The following SLC2A9 variants were observed in gnomAD, a reference collection of about 807,000 sequenced individuals.
SLC2A9 encodes solute carrier family 2, facilitated glucose transporter member 9.
SLC2A9 carries 39 observed loss-of-function variants against 50.6 expected under a neutral mutation model. That is an observed-to-expected ratio of 0.77 (90% CI 0.60 to 1.01). The LOEUF is 1.01. Among genes scored for constraint, SLC2A9 ranks in the 50% least tolerant of loss-of-function variants. The pLI is 0.00. For synonymous variants in SLC2A9, 324 were observed against 276.9 expected, an observed-to-expected ratio of 1.17 and a Z score of -1.69; for missense variants, 686 against 677.6, an observed-to-expected ratio of 1.01 and a Z score of -0.14.
At chr4:10,014,417 G>A (rs900312046) in intron 2 of SLC2A9, among the ~76,000 whole-genome samples, 12 of 152,192 alleles carry the variant, frequency 7.9e-5, no homozygotes, top group African/African-American at 2.7e-4. Flanking sequence ...TTTCCACCTC[G>A]GAAGGGCCTC....
At chr4:9,792,464 C>T (rs1720069501) in intron 3 of SLC2A9, among the ~76,000 whole-genome samples, 1 of 151,780 alleles carries the variant, frequency 6.6e-6, no homozygotes, top group Admixed American at 6.6e-5. Context: ...GCTAGGATTA[C>T]AGGTAGGAGC....
At chr4:9,985,898 G>T in intron 3 of SLC2A9, 105 bp from the exon 4 acceptor site, 1 of 1,514,650 alleles carries the variant, frequency 6.6e-7, no homozygotes. Flanking sequence ...GGTGAGTAGA[G>T]CAAGACTCAG....
intron 1 of SLC2A9, 56 bp from the exon 2 acceptor site, chr4:10,019,129 G>A: frequency 7.0e-7 from 1 of 1,420,752 alleles, no homozygotes; most frequent in East Asian, 2.5e-5. Context: ...CCAGGGCCGA[G>A]GGAAGACCTG....
chr4:9,877,664 C>G (rs1406332887), intron 10 of SLC2A9, among the ~76,000 whole-genome samples: 1 of 152,190 alleles, frequency 6.6e-6, no homozygotes, highest in Non-Finnish European at 1.5e-5. Context: ...AAGGACTGAG[C>G]CCTTTCACTT....
chr4:9,964,870 G>T (rs1382969648), intron 5 of SLC2A9, among the ~76,000 whole-genome samples: 3 of 152,148 alleles, frequency 2.0e-5, no homozygotes, highest in African/African-American at 7.2e-5. Flanking sequence ...CTACCACAGA[G>T]AAATTATGGG....
chr4:9,809,628 C>T (rs983572554), intron 3 of SLC2A9, among the ~76,000 whole-genome samples: 11 of 152,150 alleles, frequency 7.2e-5, no homozygotes, highest in African/African-American at 2.4e-4. Context: ...TCCCAGCCTC[C>T]CTTGGGATAA....
intron 1 of SLC2A9, among the ~76,000 whole-genome samples, chr4:10,033,702 T>C (rs1422748031): frequency 6.6e-6 from 1 of 152,190 alleles, no homozygotes; most frequent in Non-Finnish European, 1.5e-5. Flanking sequence ...ACTCGCCTGC[T>C]TACCCACTCA....
intron 3 of SLC2A9, among the ~76,000 whole-genome samples, chr4:9,987,980 C>T (rs925936483): frequency 3.9e-5 from 6 of 152,222 alleles, no homozygotes; most frequent in Non-Finnish European, 8.8e-5. Context: ...TAAGAACTAG[C>T]GTTTCCCCCC....
At chr4:9,905,306 T>C (rs1385215780) in intron 8 of SLC2A9, among the ~76,000 whole-genome samples, 1 of 152,238 alleles carries the variant, frequency 6.6e-6, no homozygotes, top group Non-Finnish European at 1.5e-5. Flanking sequence ...ACCTCCTCCA[T>C]TGGACTGTGA....
At chr4:9,969,227 G>A (rs1681934085) in intron 5 of SLC2A9, among the ~76,000 whole-genome samples, 2 of 151,934 alleles carry the variant, frequency 1.3e-5, no homozygotes, top group Non-Finnish European at 2.9e-5. Flanking sequence ...TTATGGATAT[G>A]TTATTGGTAT....
intron 5 of SLC2A9, among the ~76,000 whole-genome samples, chr4:9,945,222 C>A (rs74561581): frequency 0.018 from 2,686 of 152,322 alleles, 70 homozygotes; most frequent in African/African-American, 0.06. Flanking sequence ...TGCCTCTACC[C>A]CCACTCACTG....
intron 5 of SLC2A9, among the ~76,000 whole-genome samples, chr4:9,943,259 A>G (rs1417338457): frequency 6.6e-6 from 1 of 152,242 alleles, no homozygotes; most frequent in Non-Finnish European, 1.5e-5. Flanking sequence ...AGGGGCACAC[A>G]GCCAGCAGCT....
At chr4:9,819,036 G>A (rs1398502885) in intron 3 of SLC2A9, among the ~76,000 whole-genome samples, 14 of 148,908 alleles carry the variant, frequency 9.4e-5, no homozygotes, top group African/African-American at 3.0e-4. Flanking sequence ...GCAGAATGGC[G>A]TGAACCTGGG....
chr4:9,771,825 C>T (rs58847608), intron 1 of SLC2A9, among the ~76,000 whole-genome samples: 17,888 of 152,124 alleles, frequency 0.12, 1,093 homozygotes, highest in East Asian at 0.15. Context: ...TGGGCACTCA[C>T]CCCCTTCAAG....
chr4:9,985,619 A>G (rs1196633050), intron 4 of SLC2A9, 50 bp downstream of exon 4: 2 of 1,612,024 alleles, frequency 1.2e-6, no homozygotes, highest in African/African-American at 2.7e-5. Flanking sequence ...ATTTTGGGAC[A>G]CCCCCAAGGA....
chr4:9,911,739 T>C (rs966393888), intron 7 of SLC2A9, among the ~76,000 whole-genome samples: 23 of 152,242 alleles, frequency 1.5e-4, no homozygotes, highest in Non-Finnish European at 5.9e-5. Flanking sequence ...TCAGGGTTCT[T>C]GTAAAAATTT....
intron 10 of SLC2A9, among the ~76,000 whole-genome samples, chr4:9,842,500 C>G (rs557911706): frequency 2.6e-5 from 4 of 152,152 alleles, no homozygotes; most frequent in Non-Finnish European, 5.9e-5. Flanking sequence ...ATTGTAATTA[C>G]AGATTCGGAA....
At chr4:9,846,661 A>G (rs887372759) in intron 10 of SLC2A9, among the ~76,000 whole-genome samples, 2 of 152,222 alleles carry the variant, frequency 1.3e-5, no homozygotes, top group Non-Finnish European at 2.9e-5. Context: ...TACTTGGCAC[A>G]TGGCAAATTA....
chr4:9,956,626 C>T (rs1366322969), intron 5 of SLC2A9, among the ~76,000 whole-genome samples: 2 of 152,184 alleles, frequency 1.3e-5, no homozygotes, highest in Non-Finnish European at 2.9e-5. Context: ...ATTTGAGTCT[C>T]AGTCTCCCAT....
Sources: gnomAD v4.1 joint callset for allele counts (sites outside exome capture counted in the v4.1 genomes callset) on GRCh38, gnomAD v4.1.1 for gene constraint, MANE v1.5 for transcripts, NCBI Gene and HGNC (gene_info 2026-07-23, HGNC 2026-07-21) for gene names.